The following TFB1M variants were observed in gnomAD, a reference collection of about 807,000 sequenced individuals.
The protein encoded by TFB1M is transcription factor B1, mitochondrial.
Under a neutral mutation model 31.1 loss-of-function variants are expected in TFB1M, and 27 were observed. The observed-to-expected ratio is 0.87, with a 90% CI of 0.64 to 1.20. TFB1M has a LOEUF of 1.20. Among genes scored for constraint, TFB1M ranks in the 50% most tolerant of loss-of-function variants. TFB1M has a pLI of 0.00. For synonymous variants in TFB1M, 166 were observed against 151.8 expected, an observed-to-expected ratio of 1.09 and a Z score of -0.69; for missense variants, 394 against 418.7, an observed-to-expected ratio of 0.94 and a Z score of 0.51.
chr6:155,233,259 T>C, the TFB1M span, among the ~76,000 whole-genome samples: 1 of 152,202 alleles, frequency 6.6e-6, no homozygotes, highest in South Asian at 2.1e-4. Context: ...TGTCTCTGAA[T>C]AAGACAAAAG....
chr6:155,296,821 C>G (rs1433756819), intron 4 of TFB1M, 132 bp downstream of exon 4: 1 of 855,636 alleles, frequency 1.2e-6, no homozygotes, highest in Admixed American at 2.2e-5. Flanking sequence ...TTTGGCTGAG[C>G]TGCTGCTGGG....
Position 155,260,254 on chromosome 6 carries a change from G to A in TFB1M, c.794+19C>T, listed in dbSNP as rs113353705. The stretch of plus-strand genomic sequence containing the variant: ...ATTTTATAAAGACTGCAACTGAAGA[G>A]AAGAAAAGGCATTCTTACCTGAGCC... On this transcript the variant is annotated intron_variant, in intron 6 of 6. Coordinates refer to ENST00000367166, the MANE Select transcript of TFB1M (RefSeq NM_016020.4). 7 of 1,613,768 alleles carry A rather than the reference G, an allele frequency of 4.3e-6. No homozygotes were observed. The South Asian group carries it at 7.7e-5, about 18-fold the overall frequency.
At chr6:155,252,799 G>A (rs953323185), downstream of TFB1M, 87 of 643,412 alleles carry the variant, frequency 1.4e-4, no homozygotes, top group African/African-American at 1.4e-3. Flanking sequence ...AACTGGGTGC[G>A]TAGCTGATTG....
downstream of TFB1M, chr6:155,253,050 G>T (rs760957354): frequency 3.7e-6 from 6 of 1,613,610 alleles, no homozygotes; most frequent in Non-Finnish European, 4.2e-6. Context: ...GGGGAATCCA[G>T]CAGGTAACTG....
At chr6:155,294,723 C>T (rs987368070) in intron 4 of TFB1M, among the ~76,000 whole-genome samples, 7 of 152,124 alleles carry the variant, frequency 4.6e-5, no homozygotes, top group Non-Finnish European at 8.8e-5. Context: ...TATAAACAGG[C>T]GTGATGATTT....
At chr6:155,278,387 G>A (rs543805380) in intron 5 of TFB1M, among the ~76,000 whole-genome samples, 8 of 152,352 alleles carry the variant, frequency 5.3e-5, no homozygotes, top group Admixed American at 1.3e-4. Flanking sequence ...CTTAAGTAAT[G>A]TGTACTGTGT....
chr6:155,233,602 G>A, the TFB1M span, among the ~76,000 whole-genome samples: 2 of 152,202 alleles, frequency 1.3e-5, no homozygotes, highest in Non-Finnish European at 2.9e-5. Flanking sequence ...GAGCTCTTGA[G>A]TGGGATGCTC....
rs766433889 is a variant in TFB1M at position 155,296,958 on chromosome 6, C to T, written c.541G>A (p.Ala181Thr). 5 of 1,613,702 alleles carry T rather than the reference C, an allele frequency of 3.1e-6. No homozygotes were observed. Among genetic ancestry groups the T allele is most frequent in the South Asian group, 1.1e-5 (1 of 91,066 alleles). Residue 181 changes from alanine (A) to threonine (T), a missense_variant, in exon 4 of 7, where the codon GCA becomes ACA. Ala to Thr is a moderately conservative substitution (Grantham distance 58). Around this residue, in one of 3 missense-constraint regions of TFB1M, gnomAD observed 273 missense variants for 256.4 expected, o/e 1.06. Coordinates refer to ENST00000367166, the MANE Select transcript of TFB1M (RefSeq NM_016020.4). Reference protein sequence around the residue: ...QMTLTFQKEVAERLAANTGSK... With the variant: ...QMTLTFQKEVTERLAANTGSK... ...CACAAAATGTTAAAACTTACCTCTG[C>T]CACTTCCTTTTGAAAAGTCAAAGTC...
At chr6:155,298,642 T>A in intron 2 of TFB1M, 57 bp from the exon 3 acceptor site, 1 of 1,159,704 alleles carries the variant, frequency 8.6e-7, no homozygotes, top group Non-Finnish European at 1.3e-6. Context: ...GTAACAAAAC[T>A]AAACTTTTTA....
At chr6:155,295,837 A>T (rs1019802203) in intron 4 of TFB1M, among the ~76,000 whole-genome samples, 1 of 152,212 alleles carries the variant, frequency 6.6e-6, no homozygotes, top group Non-Finnish European at 1.5e-5. Context: ...CTTAGGTATT[A>T]CAAATAATGT....
In TFB1M at chr6:155,285,391, G is replaced by T. The variant is rs1776582134; in HGVS notation, c.547-114C>A. ...TAGGTGGACTTTTTGAGGCAAATTT[G>T]AAAAGAATGGGCTATCTGACACATG... On this transcript the variant is annotated intron_variant, in intron 4 of 6. Transcript: ENST00000367166. 4 of 1,250,696 alleles carry T rather than the reference G, an allele frequency of 3.2e-6. No homozygotes were observed. The Admixed American group carries it at 5.8e-5, about 18-fold the overall frequency. The allele number at this position is 1,250,696 out of a possible 1,614,324, so 77.5% of individuals were successfully genotyped here.
chr6:155,256,473 T>TC lies in TFB1M; in HGVS notation c.*1362dup. 1 of 1,614,130 alleles carries TC rather than the reference T, an allele frequency of 6.2e-7. No individual in the cohort carries two copies. The highest frequency in any genetic ancestry group is 8.5e-7 in the Non-Finnish European group (1 of 1,180,036). On this transcript the variant is annotated 3_prime_UTR_variant, in exon 7 of 7. Coordinates refer to ENST00000367166, the MANE Select transcript of TFB1M (RefSeq NM_016020.4). ...TCTGTATCACAGCGAAATGTGTTTT[T>TC]CTCACTGTAGCTTCATCCAGGTCTT...
At chr6:155,262,255 G>C (rs532136807) in intron 5 of TFB1M, among the ~76,000 whole-genome samples, 1 of 152,266 alleles carries the variant, frequency 6.6e-6, no homozygotes, top group African/African-American at 2.4e-5. Context: ...ATGAATGGCA[G>C]AGTGCAGGCA....
chr6:155,240,446 C>T, the TFB1M span: 61 of 1,430,130 alleles, frequency 4.3e-5, 1 homozygote, highest in South Asian at 6.0e-4. Flanking sequence ...TGAGCACAGA[C>T]GGAGACACTT....
At chr6:155,299,000 T>G (rs910065550) in intron 2 of TFB1M, among the ~76,000 whole-genome samples, 1 of 152,204 alleles carries the variant, frequency 6.6e-6, no homozygotes, top group Non-Finnish European at 1.5e-5. Flanking sequence ...TAAATCTTTA[T>G]AGCCTAAATA....
downstream of TFB1M, chr6:155,254,633 T>C: frequency 1.3e-6 from 2 of 1,578,710 alleles, no homozygotes; most frequent in Non-Finnish European, 1.7e-6. Context: ...CTGAAAAGGA[T>C]ATATGCTCTT....
chr6:155,275,622 T>C (rs1785153426), intron 5 of TFB1M: 1 of 1,229,936 alleles, frequency 8.1e-7, no homozygotes, highest in Admixed American at 2.3e-5. Context: ...TTAGGCTTTG[T>C]TATTTGGTTC....
At chr6:155,278,649 T>C (rs1785333458) in intron 5 of TFB1M, among the ~76,000 whole-genome samples, 1 of 152,202 alleles carries the variant, frequency 6.6e-6, no homozygotes, top group Admixed American at 6.5e-5. Flanking sequence ...GTGACATAAG[T>C]TCCCTAACTT....
intron 5 of TFB1M, chr6:155,276,657 G>GGTTTTT (rs1785238144): frequency 4.8e-6 from 1 of 209,184 alleles, no homozygotes; most frequent in Non-Finnish European, 8.0e-6. Context: ...TTATTTGATA[G>GGTTTTT]CTTTTTCAAG....
Sources: gnomAD v4.1 joint callset for allele counts (sites outside exome capture counted in the v4.1 genomes callset) on GRCh38, gnomAD v4.1.1 for gene constraint, gnomAD v4.1.1 regional missense constraint, MANE v1.5 for transcripts, NCBI Gene and HGNC (gene_info 2026-07-23, HGNC 2026-07-21) for gene names.